Variants in GPC5 observed in about 807,000 individuals in gnomAD.
The protein encoded by GPC5 is glypican 5, also known as glypican-5.
In GPC5, 47 loss-of-function variants were observed where a neutral mutation model predicts 53.9. That is an observed-to-expected ratio of 0.87 (90% CI 0.69 to 1.11). The LOEUF (loss-of-function observed/expected upper bound fraction) is 1.11, where lower values mean the gene tolerates loss of function less well. Ranked by LOEUF, GPC5 falls within the 50% of genes most tolerant of loss-of-function variation. GPC5 has a pLI of 0.00. For missense variants in GPC5, 748 were observed against 713.1 expected, an observed-to-expected ratio of 1.05 and a Z score of -0.56; for synonymous variants, 286 against 263.3, an observed-to-expected ratio of 1.09 and a Z score of -0.84.
intron 7 of GPC5, among the ~76,000 whole-genome samples, chr13:92,217,134 C>T (rs567538043): frequency 4.6e-5 from 7 of 152,294 alleles, no homozygotes; most frequent in African/African-American, 1.7e-4. Flanking sequence ...TCAGGGTATG[C>T]TCATTTGTTT....
intron 6 of GPC5, among the ~76,000 whole-genome samples, chr13:91,910,385 C>T (rs558260029): frequency 8.5e-5 from 13 of 152,278 alleles, no homozygotes; most frequent in Admixed American, 7.8e-4. Flanking sequence ...CCATGGAAGA[C>T]GTCGACATAG....
At chr13:92,806,231 C>T (rs569048107) in intron 7 of GPC5, among the ~76,000 whole-genome samples, 7 of 152,202 alleles carry the variant, frequency 4.6e-5, no homozygotes, top group South Asian at 2.1e-4. Flanking sequence ...GTACCAACAT[C>T]GGCTAGCTTC....
intron 7 of GPC5, among the ~76,000 whole-genome samples, chr13:92,788,054 G>A (rs1389786168): frequency 6.6e-6 from 1 of 151,996 alleles, no homozygotes; most frequent in Non-Finnish European, 1.5e-5. Flanking sequence ...ATCCAGTGCT[G>A]ACCAGTATGA....
intron 7 of GPC5, among the ~76,000 whole-genome samples, chr13:92,432,272 T>C (rs1338890673): frequency 6.6e-6 from 1 of 152,194 alleles, no homozygotes; most frequent in Admixed American, 6.5e-5. Flanking sequence ...AATAAAGCTC[T>C]TTTGTTGAAA....
intron 7 of GPC5, among the ~76,000 whole-genome samples, chr13:92,216,978 C>CAA (rs61411051): frequency 1.2e-4 from 11 of 93,634 alleles, no homozygotes; most frequent in African/African-American, 3.2e-4. Flanking sequence ...GATCTTGTCT[C>CAA]AAAAAAAAAA....
intron 6 of GPC5, among the ~76,000 whole-genome samples, chr13:92,128,212 T>C (rs2041715299): frequency 6.6e-6 from 1 of 152,154 alleles, no homozygotes; most frequent in Non-Finnish European, 1.5e-5. Flanking sequence ...GGTTTGTTGT[T>C]CCTCCCTCTG....
At chr13:92,715,805 G>A (rs1033518431) in intron 7 of GPC5, among the ~76,000 whole-genome samples, 25 of 152,200 alleles carry the variant, frequency 1.6e-4, no homozygotes, top group Non-Finnish European at 2.5e-4. Context: ...TTTATCCCAC[G>A]GTGATGGACA....
At chr13:92,279,328 C>T (rs9523584) in intron 7 of GPC5, among the ~76,000 whole-genome samples, 10,185 of 151,938 alleles carry the variant, frequency 0.067, 391 homozygotes, top group Non-Finnish European at 0.086. Context: ...TTGTTCATTG[C>T]CATTGTATAT....
chr13:92,545,282 G>T (rs911168147), intron 7 of GPC5, among the ~76,000 whole-genome samples: 8 of 152,260 alleles, frequency 5.3e-5, no homozygotes, highest in African/African-American at 1.7e-4. Context: ...GTATTCCATG[G>T]TGTATATGTG....
At chr13:92,338,357 A>G (rs1265387354) in intron 7 of GPC5, among the ~76,000 whole-genome samples, 1 of 152,110 alleles carries the variant, frequency 6.6e-6, no homozygotes, top group Admixed American at 6.6e-5. Flanking sequence ...GTACTCTGGA[A>G]GACAGTTTCT....
chr13:92,300,190 G>A (rs1209715669), intron 7 of GPC5, among the ~76,000 whole-genome samples: 2 of 152,122 alleles, frequency 1.3e-5, no homozygotes, highest in Non-Finnish European at 2.9e-5. Context: ...ATGTTGTCGT[G>A]AGGGTAAACA....
At chr13:91,686,196 TG>T (rs1400842006) in intron 2 of GPC5, among the ~76,000 whole-genome samples, 1 of 152,070 alleles carries the variant, frequency 6.6e-6, no homozygotes, top group Non-Finnish European at 1.5e-5. Flanking sequence ...TTTAAATTTC[TG>T]CTAAAATCAA....
chr13:91,422,218 G>A (rs537872869), intron 1 of GPC5, among the ~76,000 whole-genome samples: 29 of 152,268 alleles, frequency 1.9e-4, no homozygotes, highest in South Asian at 1.7e-3. Context: ...GGTAAGGTGC[G>A]TATAAAAATA....
At chr13:92,146,557 G>C (rs2041868726) in intron 7 of GPC5, among the ~76,000 whole-genome samples, 1 of 151,910 alleles carries the variant, frequency 6.6e-6, no homozygotes, top group Admixed American at 6.6e-5. Context: ...GTAATGTTTG[G>C]TTACATGAGT....
rs368586637 is a variant in GPC5, at chr13:92,419,017, C to T, written c.1561+274028C>T. On this transcript the variant is annotated intron_variant, in intron 7 of 7. Coordinates refer to ENST00000377067, the MANE Select transcript of GPC5 (RefSeq NM_004466.6). Reference sequence around the variant, plus strand: ...ATAGGAGGTAATCAACTTCTTCTCACGTGGCTTATAAGATGTGCAAGGGAC... The same window carrying T: ...ATAGGAGGTAATCAACTTCTTCTCATGTGGCTTATAAGATGTGCAAGGGAC... Among the ~76,000 whole-genome samples the T allele has an allele frequency of 5.3e-5, 8 of 152,274 alleles. No homozygotes were observed. In the East Asian group the frequency reaches 1.5e-3, roughly 29 times the overall value.
intron 7 of GPC5, among the ~76,000 whole-genome samples, chr13:92,474,053 G>A (rs986390708): frequency 7.2e-5 from 11 of 152,046 alleles, no homozygotes; most frequent in Admixed American, 5.3e-4. Context: ...TATGTGAAAT[G>A]TCAGCTAATT....
Position 91,906,822 on chromosome 13 carries a change from C to T in GPC5, c.1281-1115C>T, listed in dbSNP as rs922110278. Among the ~76,000 whole-genome samples the T allele has an allele frequency of 2.6e-5, 4 of 151,856 alleles. No homozygotes were observed. The South Asian group carries it at 6.2e-4, about 24-fold the overall frequency. ...ACCGGTGAAATGACCCTTTTACATA[C>T]GACATGATTTACCAGATCTTTGTTT... On this transcript the variant is annotated intron_variant, in intron 5 of 7. Coordinates refer to ENST00000377067, the MANE Select transcript of GPC5 (RefSeq NM_004466.6).
At chr13:92,644,102 C>A (rs1885685362) in intron 7 of GPC5, among the ~76,000 whole-genome samples, 1 of 152,050 alleles carries the variant, frequency 6.6e-6, no homozygotes, top group Admixed American at 6.5e-5. Flanking sequence ...TTGTTAAAAT[C>A]CTGAGGAGGA....
chr13:91,563,974 G>A (rs2031409364), intron 2 of GPC5, among the ~76,000 whole-genome samples: 1 of 152,058 alleles, frequency 6.6e-6, no homozygotes, highest in African/African-American at 2.4e-5. Context: ...GGAAGTGAGT[G>A]TTTCGCCTTG....
Sources: allele counts gnomAD v4.1 joint callset (sites outside exome capture counted in the v4.1 genomes callset), GRCh38; gene constraint gnomAD v4.1.1; transcripts MANE v1.5; gene names NCBI Gene and HGNC (gene_info 2026-07-23, HGNC 2026-07-21).